STK39: variants seen among roughly 807,000 people sequenced by gnomAD.
STK39 encodes the protein serine/threonine kinase 39, also known as STE20/SPS1-related proline-alanine-rich protein kinase.
STK39 carries 20 observed loss-of-function variants against 77.8 expected under a neutral mutation model. The observed-to-expected ratio is 0.26, with a 90% CI of 0.18 to 0.37. STK39 has a LOEUF of 0.37. Among genes scored for constraint, STK39 ranks in the 10% least tolerant of loss-of-function variants. The probability of loss-of-function intolerance (pLI) is 1.00; values close to 1 mark genes in which losing one functional copy is unlikely to be tolerated. For missense variants in STK39, 479 were observed against 656.5 expected (o/e 0.73, Z 2.95); for synonymous variants, 246 against 234.1 (o/e 1.05, Z -0.47).
At position 168,247,474 on chromosome 2, in the gene STK39, G is replaced by T; in HGVS notation, c.-39C>A. 1 of 1,292,140 alleles carries T rather than the reference G, an allele frequency of 7.7e-7. No individual in the cohort carries two copies. The allele number at this position is 1,292,140 out of a possible 1,614,324, so 80.0% of individuals were successfully genotyped here. On this transcript the variant is annotated 5_prime_UTR_variant, in exon 1 of 18. Coordinates refer to ENST00000355999, the MANE Select transcript of STK39 (RefSeq NM_013233.3). ...AGAGCAGGAGGACGCGCCGGCCGAC[G>T]GACGACCTTCCACTTGAAACTTCCT...
intron 17 of STK39, among the ~76,000 whole-genome samples, chr2:167,956,680 A>ACACACACACACACT (rs1691777810): frequency 2.4e-5 from 1 of 41,998 alleles, no homozygotes; most frequent in African/African-American, 1.3e-4. Context: ...ACACACACAC[A>ACACACACACACACT]CACACACACA....
At chr2:167,987,861 T>G (rs1203127813) in intron 16 of STK39, among the ~76,000 whole-genome samples, 1 of 152,206 alleles carries the variant, frequency 6.6e-6, no homozygotes, top group Admixed American at 6.5e-5. Context: ...CAGTTCAGAA[T>G]AAATAAAACT....
chr2:168,055,912 T>C (rs1685511619), intron 14 of STK39, among the ~76,000 whole-genome samples: 1 of 152,228 alleles, frequency 6.6e-6, no homozygotes, highest in Non-Finnish European at 1.5e-5. Context: ...GGTATTTTTC[T>C]CCTGAGTTTA....
chr2:168,229,411 A>G (rs932107009), intron 1 of STK39, among the ~76,000 whole-genome samples: 3 of 152,008 alleles, frequency 2.0e-5, no homozygotes, highest in Non-Finnish European at 4.4e-5. Context: ...TAAAAGGTAT[A>G]ACAGTACATC....
chr2:168,157,805 G>C (rs562162518), intron 5 of STK39, among the ~76,000 whole-genome samples: 1 of 151,912 alleles, frequency 6.6e-6, no homozygotes. Context: ...AAAGGCAAAC[G>C]TAAGTGAAAA....
intron 17 of STK39, among the ~76,000 whole-genome samples, chr2:167,958,482 C>A (rs1364895649): frequency 6.6e-6 from 1 of 152,058 alleles, no homozygotes; most frequent in African/African-American, 2.4e-5. Context: ...AACCATAGTT[C>A]CCCTACCCAC....
chr2:168,191,924 G>A (rs778056663), intron 1 of STK39, among the ~76,000 whole-genome samples: 4 of 152,128 alleles, frequency 2.6e-5, no homozygotes, highest in African/African-American at 4.8e-5. Context: ...GGAGGAGGTG[G>A]TGGTTATTAG....
chr2:167,972,017 T>C (rs1009263758), intron 16 of STK39, among the ~76,000 whole-genome samples: 1 of 152,212 alleles, frequency 6.6e-6, no homozygotes, highest in African/African-American at 2.4e-5. Context: ...ACTTGCAAAA[T>C]TGAGAGGCTT....
intron 17 of STK39, among the ~76,000 whole-genome samples, chr2:167,959,998 AAGG>A (rs1169200677): frequency 1.3e-5 from 2 of 152,186 alleles, no homozygotes; most frequent in South Asian, 2.1e-4. Flanking sequence ...TTTCAAAGTG[AAGG>A]AGAAGTTCAG....
chr2:168,166,689 T>C (rs1017942293), intron 3 of STK39, among the ~76,000 whole-genome samples: 3 of 152,188 alleles, frequency 2.0e-5, no homozygotes, highest in African/African-American at 7.2e-5. Flanking sequence ...TAATTAAAAT[T>C]GAATACTCAG....
intron 1 of STK39, among the ~76,000 whole-genome samples, chr2:168,223,979 A>ACTTCTATTAC (rs1281150366): frequency 6.6e-6 from 1 of 152,172 alleles, no homozygotes; most frequent in African/African-American, 2.4e-5. Context: ...GAGTCAAATT[A>ACTTCTATTAC]CTTCTATTAC....
chr2:168,232,608 G>T (rs1302584042), intron 1 of STK39, among the ~76,000 whole-genome samples: 1 of 152,022 alleles, frequency 6.6e-6, no homozygotes, highest in Non-Finnish European at 1.5e-5. Flanking sequence ...ATTTCCAATG[G>T]GCTTTAAGGA....
intron 14 of STK39, among the ~76,000 whole-genome samples, chr2:168,033,128 C>T (rs1166542487): frequency 6.6e-6 from 1 of 151,928 alleles, no homozygotes; most frequent in Non-Finnish European, 1.5e-5. Flanking sequence ...TCAAGGGATA[C>T]AATAGTCGTC....
intron 1 of STK39, among the ~76,000 whole-genome samples, chr2:168,201,621 G>A (rs911069546): frequency 6.6e-6 from 1 of 152,258 alleles, no homozygotes; most frequent in South Asian, 2.1e-4. Context: ...AATAATTTAC[G>A]AGTAGAAGGA....
At chr2:168,121,718 C>G (rs1029581574) in intron 10 of STK39, among the ~76,000 whole-genome samples, 1 of 152,192 alleles carries the variant, frequency 6.6e-6, no homozygotes, top group Non-Finnish European at 1.5e-5. Flanking sequence ...AATGTCCAGT[C>G]TTCCGTAGCC....
intron 5 of STK39, among the ~76,000 whole-genome samples, chr2:168,159,775 CAA>C (rs1008227849): frequency 1.1e-4 from 16 of 152,246 alleles, no homozygotes; most frequent in Admixed American, 9.2e-4. Context: ...GTCGCATACT[CAA>C]AAAGATACCA....
intron 16 of STK39, among the ~76,000 whole-genome samples, chr2:168,000,186 C>A (rs1683964892): frequency 6.6e-6 from 1 of 152,204 alleles, no homozygotes; most frequent in Non-Finnish European, 1.5e-5. Context: ...ATTAAACTTA[C>A]ATTTAATTAT....
intron 2 of STK39, among the ~76,000 whole-genome samples, chr2:168,179,285 C>T (rs796589790): frequency 3.9e-5 from 6 of 152,276 alleles, no homozygotes; most frequent in African/African-American, 1.4e-4. Context: ...CAAGCAACAG[C>T]AGTATTAGAC....
chr2:168,156,077 G>T (rs1688421513), intron 5 of STK39, among the ~76,000 whole-genome samples: 1 of 152,206 alleles, frequency 6.6e-6, no homozygotes, highest in Non-Finnish European at 1.5e-5. Flanking sequence ...TCAGTGCTGT[G>T]TCATAGGCTA....
Sources: allele counts gnomAD v4.1 joint callset (sites outside exome capture counted in the v4.1 genomes callset), GRCh38; gene constraint gnomAD v4.1.1; transcripts MANE v1.5; gene names NCBI Gene and HGNC (gene_info 2026-07-23, HGNC 2026-07-21).